The following PDE4D variants were observed in gnomAD, a reference collection of about 807,000 sequenced individuals.
PDE4D encodes the protein phosphodiesterase 4D.
Under a neutral mutation model 87.4 loss-of-function variants are expected in PDE4D, and 24 were observed. The observed-to-expected ratio is 0.27, with a 90% CI of 0.20 to 0.39. PDE4D has a LOEUF of 0.39. PDE4D is among the 10% of genes least tolerant of loss of function. PDE4D has a pLI of 1.00. For synonymous variants in PDE4D, 384 were observed against 383.2 expected (o/e 1.00, Z -0.02); for missense variants, 714 against 1,041.0 (o/e 0.69, Z 4.32).
At chr5:59,174,621 A>C (rs1783538545) in intron 5 of PDE4D, 1 of 152,370 alleles carries the variant, frequency 6.6e-6, no homozygotes, top group Non-Finnish European at 1.5e-5. Context: ...TGGGATGAGA[A>C]ATTTTCAAGC....
intron 1 of PDE4D, among the ~76,000 whole-genome samples, chr5:60,512,100 C>T (rs1025921481): frequency 3.3e-5 from 5 of 152,078 alleles, no homozygotes; most frequent in African/African-American, 7.2e-5. Flanking sequence ...ATCTGGAAAA[C>T]ACATACAAGG....
chr5:60,056,135 A>C (rs1770751404), intron 2 of PDE4D, among the ~76,000 whole-genome samples: 1 of 152,094 alleles, frequency 6.6e-6, no homozygotes, highest in East Asian at 1.9e-4. Flanking sequence ...TATATGTATG[A>C]GTCACACTTC....
chr5:59,004,132 G>A (rs1009711327), intron 6 of PDE4D, among the ~76,000 whole-genome samples: 37 of 133,156 alleles, frequency 2.8e-4, no homozygotes, highest in African/African-American at 8.3e-4. Flanking sequence ...TCCCTACATA[G>A]ATTTAAAAAA....
At chr5:59,844,255 A>G (rs995282172) in intron 1 of PDE4D, among the ~76,000 whole-genome samples, 2 of 152,124 alleles carry the variant, frequency 1.3e-5, no homozygotes, top group African/African-American at 4.8e-5. Context: ...TAGAACTAAG[A>G]AAAGGGACAA....
chr5:60,050,235 C>T (rs925582113), intron 2 of PDE4D, among the ~76,000 whole-genome samples: 1 of 152,172 alleles, frequency 6.6e-6, no homozygotes, highest in Non-Finnish European at 1.5e-5. Flanking sequence ...GCGCATGGTG[C>T]ATGCACCCAC....
intron 1 of PDE4D, among the ~76,000 whole-genome samples, chr5:59,682,252 C>T (rs1468706782): frequency 3.9e-5 from 6 of 152,106 alleles, no homozygotes; most frequent in African/African-American, 1.4e-4. Context: ...GTACAAAATG[C>T]TTTTTAATTA....
At chr5:59,354,028 T>C (rs959533020) in intron 1 of PDE4D, among the ~76,000 whole-genome samples, 2 of 152,130 alleles carry the variant, frequency 1.3e-5, no homozygotes, top group Non-Finnish European at 2.9e-5. Flanking sequence ...AGCCTGAATA[T>C]TACCAGGCAG....
chr5:60,217,183 T>C (rs1743949620), intron 1 of PDE4D, among the ~76,000 whole-genome samples: 1 of 151,988 alleles, frequency 6.6e-6, no homozygotes, highest in Non-Finnish European at 1.5e-5. Flanking sequence ...TAATTCCTCT[T>C]ATATTACATA....
At chr5:60,229,914 T>C (rs1418356388) in intron 1 of PDE4D, among the ~76,000 whole-genome samples, 1 of 152,130 alleles carries the variant, frequency 6.6e-6, no homozygotes, top group Non-Finnish European at 1.5e-5. Context: ...GGATAAAAAA[T>C]AGTCTTACAT....
At chr5:59,598,520 C>T (rs1827026544) in intron 1 of PDE4D, among the ~76,000 whole-genome samples, 1 of 152,136 alleles carries the variant, frequency 6.6e-6, no homozygotes, top group Non-Finnish European at 1.5e-5. Context: ...CACTTTTCTC[C>T]TCGTCTTCCA....
intron 1 of PDE4D, among the ~76,000 whole-genome samples, chr5:59,734,750 G>A (rs1757852932): frequency 6.6e-6 from 1 of 152,060 alleles, no homozygotes; most frequent in South Asian, 2.1e-4. Flanking sequence ...AACACAGAAA[G>A]AAAAGAGTTT....
chr5:59,245,145 G>A (rs879413489), intron 1 of PDE4D, among the ~76,000 whole-genome samples: 8 of 152,066 alleles, frequency 5.3e-5, no homozygotes, highest in Non-Finnish European at 1.0e-4. Context: ...CCTCACCAAT[G>A]TTCCCAACGA....
chr5:59,735,756 T>G (rs888982305), intron 1 of PDE4D, among the ~76,000 whole-genome samples: 2 of 152,012 alleles, frequency 1.3e-5, no homozygotes, highest in Non-Finnish European at 2.9e-5. Context: ...AACCTCCACC[T>G]CCCTGGTTCA....
At position 59,893,358 on chromosome 5, in the gene PDE4D, CGGGCGGCGGCGG is replaced by C; in HGVS notation, c.253_264del (p.Pro85_Pro88del). The C allele has an allele frequency of 1.6e-6, 2 of 1,254,504 alleles. No individual in the cohort carries two copies. Among genetic ancestry groups the C allele is most frequent in the African/African-American group, 1.6e-5 (1 of 63,038 alleles). 77.7% of individuals were successfully genotyped at this position (1,254,504 alleles called of 1,614,324 possible). A position where few individuals can be genotyped will look rare whatever the true frequency, so the allele number is the denominator to read the frequency against. ...GAGGCGTAGCGGCCGCGGGCAGCCC[CGGGCGGCGGCGG>C]GGGCGGCGGCAGGGGGGGCGGCGGC... On this transcript the variant is annotated inframe_deletion, in exon 1 of 15. Coordinates refer to ENST00000340635, the MANE Select transcript of PDE4D (RefSeq NM_001104631.2).
At chr5:59,457,058 A>C (rs1451016884) in intron 1 of PDE4D, among the ~76,000 whole-genome samples, 1 of 152,262 alleles carries the variant, frequency 6.6e-6, no homozygotes, top group East Asian at 1.9e-4. Flanking sequence ...ATACAGCAGC[A>C]GTTGGGTTTC....
chr5:59,177,648 G>A (rs754844301), intron 5 of PDE4D, among the ~76,000 whole-genome samples: 1 of 152,110 alleles, frequency 6.6e-6, no homozygotes, highest in Non-Finnish European at 1.5e-5. Context: ...GCAACCACGT[G>A]GTATAATTCT....
At chr5:59,720,243 C>G (rs963994540) in intron 1 of PDE4D, among the ~76,000 whole-genome samples, 1 of 152,044 alleles carries the variant, frequency 6.6e-6, no homozygotes, top group African/African-American at 2.4e-5. Flanking sequence ...CCCGCTGCAG[C>G]CTTAAAATGC....
intron 1 of PDE4D, among the ~76,000 whole-genome samples, chr5:59,690,136 C>T (rs1417017586): frequency 1.3e-5 from 2 of 152,096 alleles, no homozygotes; most frequent in East Asian, 1.9e-4. Context: ...AAAATGGCCA[C>T]ACTGCCCAAG....
At chr5:59,234,711 C>T (rs1755990021) in intron 1 of PDE4D, among the ~76,000 whole-genome samples, 1 of 152,046 alleles carries the variant, frequency 6.6e-6, no homozygotes, top group African/African-American at 2.4e-5. Context: ...AACTTCTACT[C>T]TTTTTTCATA....
Sources: gnomAD v4.1 joint callset for allele counts (sites outside exome capture counted in the v4.1 genomes callset) on GRCh38, gnomAD v4.1.1 for gene constraint, MANE v1.5 for transcripts, NCBI Gene and HGNC (gene_info 2026-07-23, HGNC 2026-07-21) for gene names.